Variants in BNIPL observed in about 807,000 individuals in gnomAD.
The protein encoded by BNIPL is bcl-2/adenovirus E1B 19 kDa-interacting protein 2-like protein.
A neutral mutation model predicts 47.0 loss-of-function variants in BNIPL; 33 were observed. That is an observed-to-expected ratio of 0.70 (90% confidence interval 0.53 to 0.94). The LOEUF (loss-of-function observed/expected upper bound fraction) is 0.94, where lower values mean the gene tolerates loss of function less well. Among genes scored for constraint, BNIPL ranks in the 40% least tolerant of loss-of-function variants. The pLI, the probability that BNIPL is intolerant of heterozygous loss-of-function variation, is 0.00. For synonymous variants in BNIPL, 145 were observed against 162.7 expected (o/e 0.89, Z 0.83); for missense variants, 404 against 445.2 (o/e 0.91, Z 0.83).
chr1:151,042,871 T>G, intron 4 of BNIPL, 85 bp from the exon 5 acceptor site: 2 of 1,106,874 alleles, frequency 1.8e-6, no homozygotes, highest in Non-Finnish European at 1.3e-6. Context: ...CAGATTAGAG[T>G]AACAAACTAG....
At chr1:151,046,288 TTAATG>T (rs1558104053) in intron 9 of BNIPL, 123 bp downstream of exon 9, 3 of 1,441,120 alleles carry the variant, frequency 2.1e-6, no homozygotes, top group Non-Finnish European at 2.8e-6. Context: ...TTCGGGTGCT[TTAATG>T]TATATGGGGA....
At chr1:151,043,994 G>T (rs1352369214) in intron 7 of BNIPL, among the ~76,000 whole-genome samples, 7 of 148,156 alleles carry the variant, frequency 4.7e-5, no homozygotes, top group Admixed American at 4.6e-4. Flanking sequence ...TTGTTTTTTT[G>T]TTTTTTTTGA....
Sources: gnomAD v4.1 joint callset for allele counts (sites outside exome capture counted in the v4.1 genomes callset) on GRCh38, gnomAD v4.1.1 for gene constraint, MANE v1.5 for transcripts, NCBI Gene and HGNC (gene_info 2026-07-23, HGNC 2026-07-21) for gene names.